Variants in L3MBTL3 observed in about 807,000 individuals in gnomAD.
L3MBTL3 encodes the protein L3MBTL histone methyl-lysine binding protein 3, also known as lethal(3)malignant brain tumor-like protein 3.
L3MBTL3 carries 27 observed loss-of-function variants against 102.3 expected under a neutral mutation model. The ratio of observed to expected loss-of-function variants is 0.26; its 90% CI spans 0.19 to 0.36. The LOEUF (loss-of-function observed/expected upper bound fraction) is 0.36, where lower values mean the gene tolerates loss of function less well. Among genes scored for constraint, L3MBTL3 ranks in the 10% least tolerant of loss-of-function variants. L3MBTL3 has a pLI of 1.00. For synonymous variants in L3MBTL3, 340 were observed against 320.9 expected, an observed-to-expected ratio of 1.06 and a Z score of -0.64; for missense variants, 798 against 955.3, an observed-to-expected ratio of 0.84 and a Z score of 2.17.
chr6:130,075,168 A>G (rs1181007649), intron 13 of L3MBTL3, among the ~76,000 whole-genome samples: 2 of 152,136 alleles, frequency 1.3e-5, no homozygotes, highest in African/African-American at 4.8e-5. Context: ...GGTCTGGGGA[A>G]GGAGAGAAAC....
At chr6:130,033,869 A>G (rs1284017051) in intron 2 of L3MBTL3, among the ~76,000 whole-genome samples, 1 of 152,260 alleles carries the variant, frequency 6.6e-6, no homozygotes, top group Non-Finnish European at 1.5e-5. Flanking sequence ...TCTTTTAAAG[A>G]CAATATTTGG....
intron 19 of L3MBTL3, among the ~76,000 whole-genome samples, chr6:130,119,610 C>G (rs1302326174): frequency 6.6e-6 from 1 of 151,906 alleles, no homozygotes; most frequent in Non-Finnish European, 1.5e-5. Flanking sequence ...TAATTGATTT[C>G]TCTTGGAAAA....
chr6:130,070,009 G>A (rs1224156032), intron 12 of L3MBTL3, among the ~76,000 whole-genome samples: 1 of 152,154 alleles, frequency 6.6e-6, no homozygotes, highest in African/African-American at 2.4e-5. Context: ...AATGATAGTT[G>A]TATAATTATA....
chr6:130,094,949 T>C (rs1403540151), intron 18 of L3MBTL3, among the ~76,000 whole-genome samples: 1 of 152,122 alleles, frequency 6.6e-6, no homozygotes, highest in Non-Finnish European at 1.5e-5. Context: ...AAAATACTAC[T>C]AAAGTACAGC....
At chr6:130,082,079 T>A (rs1275744751) in intron 14 of L3MBTL3, among the ~76,000 whole-genome samples, 1 of 152,200 alleles carries the variant, frequency 6.6e-6, no homozygotes, top group Non-Finnish European at 1.5e-5. Flanking sequence ...TTTCCTTCTC[T>A]CAGGTGGCTC....
intron 2 of L3MBTL3, among the ~76,000 whole-genome samples, chr6:130,039,184 A>G (rs1780254415): frequency 6.6e-6 from 1 of 152,106 alleles, no homozygotes; most frequent in Non-Finnish European, 1.5e-5. Context: ...TGCCAATCTT[A>G]TTACTTCATC....
Position 130,139,688 on chromosome 6 carries a change from C to G in L3MBTL3, c.2278C>G (p.Leu760Val), listed in dbSNP as rs1302487093. The change falls in exon 23 of 23, where the codon CTC (leucine) becomes GTC (valine). Residue 760 changes from leucine to valine, a missense_variant. Physicochemically the swap from Leu to Val is conservative, Grantham distance 32. Around this residue, in one of 4 missense-constraint regions of L3MBTL3, gnomAD observed 48 missense variants for 107.0 expected, o/e 0.45. Coordinates refer to ENST00000361794, the MANE Select transcript of L3MBTL3 (RefSeq NM_032438.4). The stretch of plus-strand genomic sequence containing the variant: ...TATGAGCATTAAACTGGGCCCTGCT[C>G]TCAAAATTTTCAATTCCATCCTGAT... ...KIMSIKLGPA[L>V]KIFNSILMFK... is the part of the protein sequence containing the mutation. 1 of 1,612,786 alleles carries G rather than the reference C, an allele frequency of 6.2e-7. No individual in the cohort carries two copies. Among genetic ancestry groups the G allele is most frequent in the Non-Finnish European group, 8.5e-7 (1 of 1,179,072 alleles).
chr6:130,043,658 C>G (rs1303399193), intron 3 of L3MBTL3, among the ~76,000 whole-genome samples: 4 of 152,148 alleles, frequency 2.6e-5, no homozygotes, highest in African/African-American at 9.7e-5. Context: ...GCTTACCTCT[C>G]AAATGTTTGG....
Position 130,098,879 on chromosome 6 carries a change from T to G in L3MBTL3, c.1736+4512T>G, listed in dbSNP as rs1399804408. Among the ~76,000 whole-genome samples, 272 of 151,308 alleles carry G rather than the reference T, an allele frequency of 1.8e-3. 3 individuals are homozygous for G. Among genetic ancestry groups the G allele is most frequent in the African/African-American group, 6.1e-3 (252 of 41,408 alleles). Reference sequence around the variant, plus strand: ...TGTGTTTTTCTTTTTTTTTTTTTTTTTTTTTAACTGTTTTTTGTCAGGACA... The same window carrying G: ...TGTGTTTTTCTTTTTTTTTTTTTTTGTTTTTAACTGTTTTTTGTCAGGACA... On this transcript the variant is annotated intron_variant, in intron 18 of 22. Coordinates refer to ENST00000361794, the MANE Select transcript of L3MBTL3 (RefSeq NM_032438.4).
intron 9 of L3MBTL3, among the ~76,000 whole-genome samples, chr6:130,057,749 C>T (rs1781604319): frequency 1.3e-5 from 2 of 152,174 alleles, no homozygotes; most frequent in Non-Finnish European, 2.9e-5. Context: ...GGCTTGCTAT[C>T]ATGAATTTTA....
chr6:130,021,167 A>C (rs1000293735), intron 1 of L3MBTL3, among the ~76,000 whole-genome samples: 2 of 152,166 alleles, frequency 1.3e-5, no homozygotes, highest in Admixed American at 6.5e-5. Context: ...ATTTCTCCGG[A>C]AAGTTTCAAG....
At chr6:130,052,725 G>A in intron 6 of L3MBTL3, 134 bp from the exon 7 acceptor site, 1 of 1,062,124 alleles carries the variant, frequency 9.4e-7, no homozygotes. Context: ...CATGCCTACA[G>A]ATTTCTCCTG....
chr6:130,096,118 T>C (rs1343206032), intron 18 of L3MBTL3, among the ~76,000 whole-genome samples: 5 of 152,158 alleles, frequency 3.3e-5, no homozygotes, highest in Non-Finnish European at 5.9e-5. Flanking sequence ...ACTGTTTTTT[T>C]CCCCACGTTT....
At chr6:130,134,036 A>T (rs1422806357) in intron 22 of L3MBTL3, 131 bp downstream of exon 22, 8 of 685,660 alleles carry the variant, frequency 1.2e-5, no homozygotes, top group Non-Finnish European at 2.1e-5. Flanking sequence ...AAATTGATGT[A>T]TACTAACAGG....
intron 20 of L3MBTL3, among the ~76,000 whole-genome samples, chr6:130,123,800 A>G (rs965562859): frequency 6.6e-6 from 1 of 152,126 alleles, no homozygotes; most frequent in Non-Finnish European, 1.5e-5. Context: ...CCTAAAATCC[A>G]GGGAGCTTTG....
chr6:130,121,014 C>T (rs1786137767), intron 20 of L3MBTL3, 56 bp downstream of exon 20: 2 of 1,077,678 alleles, frequency 1.9e-6, no homozygotes, highest in Non-Finnish European at 2.8e-6. Context: ...ATGAAACAAT[C>T]AAAGCCTTAA....
chr6:130,085,281 G>A (rs539480161), intron 15 of L3MBTL3, among the ~76,000 whole-genome samples: 17 of 152,210 alleles, frequency 1.1e-4, no homozygotes, highest in Admixed American at 2.6e-4. Context: ...GTACTGAGGC[G>A]TAGGTAGCTG....
intron 2 of L3MBTL3, among the ~76,000 whole-genome samples, chr6:130,022,591 T>C (rs949235630): frequency 6.6e-5 from 10 of 152,350 alleles, no homozygotes; most frequent in African/African-American, 2.2e-4. Flanking sequence ...TTTTATTCTT[T>C]GGAGTTGAAA....
rs374009528 is a variant in L3MBTL3, at chr6:130,102,020, C to T, written c.1737-2406C>T. Among the ~76,000 whole-genome samples the T allele has an allele frequency of 1.8e-4, 28 of 152,200 alleles. No individual in the cohort carries two copies. The East Asian group carries it at 2.7e-3, about 15-fold the overall frequency. On this transcript the variant is annotated intron_variant, in intron 18 of 22. Transcript: ENST00000361794. Reference sequence around the variant, plus strand: ...TGACCTTGGGCAAGTAACATCTCTGCTTGGATGTCTAATAAACAAATTCCA... The same window carrying T: ...TGACCTTGGGCAAGTAACATCTCTGTTTGGATGTCTAATAAACAAATTCCA...
Sources: allele counts gnomAD v4.1 joint callset (sites outside exome capture counted in the v4.1 genomes callset), GRCh38; gene constraint gnomAD v4.1.1; regional missense constraint gnomAD v4.1.1; transcripts MANE v1.5; gene names NCBI Gene and HGNC (gene_info 2026-07-23, HGNC 2026-07-21).